The following PMP2 variants were observed in gnomAD, a reference collection of about 807,000 sequenced individuals.
PMP2 encodes the protein peripheral myelin protein 2, also known as myelin P2 protein.
A neutral mutation model predicts 15.9 loss-of-function variants in PMP2; 11 were observed. The observed-to-expected ratio is 0.69, with a 90% CI of 0.44 to 1.14. PMP2 has a LOEUF of 1.14. Ranked by LOEUF, PMP2 falls within the 50% of genes most tolerant of loss-of-function variation. The probability of loss-of-function intolerance (pLI) is 0.00; values close to 1 mark genes in which losing one functional copy is unlikely to be tolerated. For synonymous variants in PMP2, 55 were observed against 54.1 expected, an observed-to-expected ratio of 1.02 and a Z score of -0.07; for missense variants, 151 against 154.0, an observed-to-expected ratio of 0.98 and a Z score of 0.10.
chr8:81,443,179 C>T lies in PMP2; in HGVS notation c.*219G>A. ...GACATCATCAACTGTTTGTGTCTGG[C>T]CAATATATATGCTTTGATGTAATAA... On this transcript the variant is annotated 3_prime_UTR_variant, in exon 4 of 4. Transcript: ENST00000256103. 2 of 408,930 alleles carry T rather than the reference C, an allele frequency of 4.9e-6. No homozygotes were observed. The highest frequency in any genetic ancestry group is 3.9e-5 in the East Asian group (1 of 25,890). The allele number at this position is 408,930 out of a possible 1,614,324, so 25.3% of individuals were successfully genotyped here.
chr8:81,445,225 TC>T (rs1807428491), intron 1 of PMP2, among the ~76,000 whole-genome samples: 2 of 152,056 alleles, frequency 1.3e-5, no homozygotes, highest in Admixed American at 6.6e-5. Flanking sequence ...TTTTTTTTTT[TC>T]TTTTTCTTTT....
In PMP2 at chr8:81,440,453, AAAC is replaced by A. The variant is rs1316973875; in HGVS notation, c.*2942_*2944del. 6.6e-6 allele frequency: 1 copy of A among 152,244 alleles called. No homozygotes were observed. The highest frequency in any genetic ancestry group is 1.5e-5 in the Non-Finnish European group (1 of 68,044). The allele number at this position is 152,244 out of a possible 1,614,324, so 9.4% of individuals were successfully genotyped here. ...TTTTGTGAGTTGGAGCCTGGCAACAAAACAACAATAACAACAAACAACAACAAT... is the reference window on the plus strand; with the variant it reads ...TTTTGTGAGTTGGAGCCTGGCAACAAAACAATAACAACAAACAACAACAAT... On this transcript the variant is annotated 3_prime_UTR_variant, in exon 4 of 4. Coordinates refer to ENST00000256103, the MANE Select transcript of PMP2 (RefSeq NM_002677.5).
At chr8:81,445,031 G>C (rs748580043) in intron 1 of PMP2, 42 bp from the exon 2 acceptor site, 9 of 1,567,166 alleles carry the variant, frequency 5.7e-6, no homozygotes, top group Non-Finnish European at 7.9e-6. Context: ...GACCAAGAGA[G>C]CATAGCCAAA....
In PMP2 at chr8:81,444,842, G is replaced by A; in HGVS notation, c.221C>T (p.Thr74Ile). Residue 74 changes from threonine (T) to isoleucine (I), a missense_variant, in exon 2 of 4, where the codon ACC becomes ATC. Physicochemically the swap from Thr to Ile is moderately conservative, Grantham distance 89. Transcript: ENST00000256103. ...SFKLGQEFEE[T>I]TADNRKTKSI... ...CTTGGTCTTTCTATTGTCAGCTGTG[G>A]TTTCTTCAAATTCCTGGCCTAGCTT... The A allele has an allele frequency of 6.2e-7, 1 of 1,613,744 alleles. No homozygotes were observed. Among genetic ancestry groups the A allele is most frequent in the South Asian group, 1.1e-5 (1 of 90,992 alleles).
chr8:81,443,565 T>A (rs1249670838), intron 3 of PMP2, 117 bp from the exon 4 acceptor site: 1 of 612,802 alleles, frequency 1.6e-6, no homozygotes. Flanking sequence ...AGGAATAAAA[T>A]ATCAGTATGT....
At position 81,442,200 on chromosome 8, in the gene PMP2, T is replaced by C. The variant is rs1807362832; in HGVS notation, c.*1198A>G. On this transcript the variant is annotated 3_prime_UTR_variant, in exon 4 of 4. Transcript: ENST00000256103. ...CTTGCCTTCCCTCATTTCATATTTG[T>C]ATATTTGTTTTTCCATAGTGAACAT... 6.6e-6 allele frequency: 1 copy of C among 152,388 alleles called. No homozygotes were observed. The highest frequency in any genetic ancestry group is 1.5e-5 in the Non-Finnish European group (1 of 67,974). 9.4% of individuals were successfully genotyped at this position (152,388 alleles called of 1,614,324 possible).
chr8:81,447,317 G>C lies in PMP2; in HGVS notation c.70C>G (p.Leu24Val). 4 of 1,612,320 alleles carry C rather than the reference G, an allele frequency of 2.5e-6. No homozygotes were observed. Among genetic ancestry groups the C allele is most frequent in the Non-Finnish European group, 3.4e-6 (4 of 1,178,346 alleles). Residue 24 changes from leucine (L) to valine (V), a missense_variant, in exon 1 of 4, where the codon CTG becomes GTG. Transcript: ENST00000256103. ...AACAACAAAAAGCATTTCTTACCCA[G>C]AGCTTTCATGTAATCGTCAAAGTTC... ...SENFDDYMKA[L>V]GVGLATRKLG...
chr8:81,444,764 T>A (rs1305855834), intron 2 of PMP2, 53 bp downstream of exon 2: 3 of 1,524,178 alleles, frequency 2.0e-6, no homozygotes, highest in African/African-American at 1.4e-5. Context: ...GGAATATTCC[T>A]CTCTCTCAAG....
chr8:81,445,140 C>A, intron 1 of PMP2, 151 bp from the exon 2 acceptor site: 2 of 551,310 alleles, frequency 3.6e-6, no homozygotes, highest in South Asian at 6.5e-5. Context: ...ATGTTTCACT[C>A]CTAATGGAAA....
At chr8:81,444,685 A>T in intron 2 of PMP2, 84 bp from the exon 3 acceptor site, 2 of 1,367,824 alleles carry the variant, frequency 1.5e-6, no homozygotes, top group Non-Finnish European at 2.1e-6. Flanking sequence ...CCATTTTCAT[A>T]ATAGATATAG....
At chr8:81,446,972 C>T (rs979050686) in intron 1 of PMP2, among the ~76,000 whole-genome samples, 3 of 152,234 alleles carry the variant, frequency 2.0e-5, no homozygotes, top group African/African-American at 4.8e-5. Context: ...TTGCTATGAA[C>T]GTAGCTCTCA....
At chr8:81,443,967 TA>T (rs34107357) in intron 3 of PMP2, among the ~76,000 whole-genome samples, 4,442 of 144,486 alleles carry the variant, frequency 0.031, 97 homozygotes, top group Middle Eastern at 0.059. Context: ...GCCTTAACCC[TA>T]AAAAAAAAAA....
rs760539639 is a variant in PMP2 at position 81,441,734 on chromosome 8, G to T, written c.*1664C>A. ...TCTCAATTATTTTGCTCTCAGATTG[G>T]CTCAAGTTTGGCCAGTGGGAGCCCC... On this transcript the variant is annotated 3_prime_UTR_variant, in exon 4 of 4. Transcript: ENST00000256103. The T allele has an allele frequency of 6.6e-6, 1 of 150,964 alleles. No homozygotes were observed. The highest frequency in any genetic ancestry group is 1.5e-5 in the Non-Finnish European group (1 of 67,750). The allele number at this position is 150,964 out of a possible 1,614,324, so 9.4% of individuals were successfully genotyped here. A position where few individuals can be genotyped will look rare whatever the true frequency, so the allele number is the denominator to read the frequency against.
Position 81,442,472 on chromosome 8 carries a change from T to C in PMP2, c.*926A>G, listed in dbSNP as rs925296418. 1 of 152,506 alleles carries C rather than the reference T, an allele frequency of 6.6e-6. No individual in the cohort carries two copies. The highest frequency in any genetic ancestry group is 1.5e-5 in the Non-Finnish European group (1 of 67,968). The allele number at this position is 152,506 out of a possible 1,614,324, so 9.4% of individuals were successfully genotyped here. ...CAGCCGAAAATTAGAAATAGCTCAATTGTCTTAATAGTAGAATGGATAAAC... is the reference window on the plus strand; with the variant it reads ...CAGCCGAAAATTAGAAATAGCTCAACTGTCTTAATAGTAGAATGGATAAAC... On this transcript the variant is annotated 3_prime_UTR_variant, in exon 4 of 4. Coordinates refer to ENST00000256103, the MANE Select transcript of PMP2 (RefSeq NM_002677.5).
In PMP2 at chr8:81,447,226, A is replaced by G. The variant is rs1038292797; in HGVS notation, c.73+88T>C. On this transcript the variant is annotated intron_variant, in intron 1 of 3. Transcript: ENST00000256103. ...GTACTGCAGCCTTGCAAAACTCCCC[A>G]GTATCCTGTTAAAAGTAGTAGATGA... 5 of 935,770 alleles carry G rather than the reference A, an allele frequency of 5.3e-6. No individual in the cohort carries two copies. The African/African-American group carries it at 6.5e-5, about 12-fold the overall frequency. The allele number at this position is 935,770 out of a possible 1,614,324, so 58.0% of individuals were successfully genotyped here. A position where few individuals can be genotyped will look rare whatever the true frequency, so the allele number is the denominator to read the frequency against.
rs1219643309 is a variant in PMP2 at position 81,443,268 on chromosome 8, G to T, written c.*130C>A. ...ACTTTTAGATTAATTCTCAGTTTAG[G>T]CCTTTGCATATCTGATATATTAAGA... is the stretch of plus-strand genomic sequence containing the variant. On this transcript the variant is annotated 3_prime_UTR_variant, in exon 4 of 4. Transcript: ENST00000256103. 3 of 590,466 alleles carry T rather than the reference G, an allele frequency of 5.1e-6. No individual in the cohort carries two copies. The East Asian group carries it at 8.3e-5, about 16-fold the overall frequency. 36.6% of individuals were successfully genotyped at this position (590,466 alleles called of 1,614,324 possible).
intron 3 of PMP2, 80 bp downstream of exon 3, chr8:81,444,420 A>G (rs1348824639): frequency 3.4e-6 from 3 of 873,416 alleles, no homozygotes; most frequent in Non-Finnish European, 5.3e-6. Flanking sequence ...ATTCCAAAGA[A>G]CAAAGAATAT....
chr8:81,447,280 G>A, intron 1 of PMP2, 34 bp downstream of exon 1: 2 of 1,529,000 alleles, frequency 1.3e-6, no homozygotes, highest in East Asian at 2.2e-5. Context: ...TTAAAAAGGA[G>A]CTTTTCAGCA....
intron 3 of PMP2, 59 bp downstream of exon 3, chr8:81,444,439 CAA>C: frequency 9.8e-7 from 1 of 1,024,780 alleles, no homozygotes. Context: ...ATTTTGAAAA[CAA>C]TATAATCAAA....
Sources: allele counts gnomAD v4.1 joint callset (sites outside exome capture counted in the v4.1 genomes callset), GRCh38; gene constraint gnomAD v4.1.1; transcripts MANE v1.5; gene names NCBI Gene and HGNC (gene_info 2026-07-23, HGNC 2026-07-21).